NEDD4L: variants seen among roughly 807,000 people sequenced by gnomAD.
The protein encoded by NEDD4L is E3 ubiquitin-protein ligase NEDD4-like.
In NEDD4L, 54 loss-of-function variants were observed where a neutral mutation model predicts 148.9. The observed-to-expected ratio is 0.36, with a 90% CI of 0.29 to 0.45. The LOEUF (loss-of-function observed/expected upper bound fraction) is 0.45. NEDD4L is among the 20% of genes least tolerant of loss of function. NEDD4L has a pLI of 1.00. For synonymous variants in NEDD4L, 433 were observed against 440.7 expected (o/e 0.98, Z 0.22); for missense variants, 856 against 1,233.8 (o/e 0.69, Z 4.59).
chr18:58,072,903 C>CAAAT (rs1555682111), intron 1 of NEDD4L, among the ~76,000 whole-genome samples: 6 of 148,144 alleles, frequency 4.1e-5, no homozygotes, highest in African/African-American at 1.5e-4. Flanking sequence ...CACACACACA[C>CAAAT]ACAAATCTTG....
Position 58,080,448 on chromosome 18 carries a change from G to A in NEDD4L, c.48+35740G>A, listed in dbSNP as rs1312168702. On this transcript the variant is annotated intron_variant, in intron 1 of 30. Coordinates refer to ENST00000400345, the MANE Select transcript of NEDD4L (RefSeq NM_001144967.3). ...GTAAAGTGGGATTATTTCTGTTAGAGATCCTTATTCCCTAGAGACTTTCTG... is the reference window on the plus strand; with the variant it reads ...GTAAAGTGGGATTATTTCTGTTAGAAATCCTTATTCCCTAGAGACTTTCTG... 5.3e-5 allele frequency among the ~76,000 whole-genome samples: 8 copies of A among 152,338 alleles called. No homozygotes were observed. The South Asian group carries it at 6.2e-4, about 12-fold the overall frequency.
chr18:58,361,353 G>A lies in NEDD4L; in HGVS notation c.1768-2915G>A, dbSNP rs541519642. ...TGTAAGTTAGCATGCTCTGTGTATA[G>A]CAGATATCACTAGTAATAGCATTTA... On this transcript the variant is annotated intron_variant, in intron 19 of 30. Transcript: ENST00000400345. 1.7e-4 allele frequency among the ~76,000 whole-genome samples: 26 copies of A among 152,310 alleles called. No individual in the cohort carries two copies. In the South Asian group the frequency reaches 2.5e-3, roughly 15 times the overall value.
At chr18:58,252,372 G>A (rs2048038787) in intron 5 of NEDD4L, among the ~76,000 whole-genome samples, 1 of 152,170 alleles carries the variant, frequency 6.6e-6, no homozygotes, top group South Asian at 2.1e-4. Context: ...TCTCTAAAGA[G>A]GCCATCAGGA....
In NEDD4L at chr18:58,195,288, C is replaced by T. The variant is rs544788201; in HGVS notation, c.122+29427C>T. 14 of 551,810 alleles carry T rather than the reference C, an allele frequency of 2.5e-5. No homozygotes were observed. In the African/African-American group the frequency reaches 2.8e-4, roughly 11 times the overall value. The allele number at this position is 551,810 out of a possible 1,614,324, so 34.2% of individuals were successfully genotyped here. A position where few individuals can be genotyped will look rare whatever the true frequency, so the allele number is the denominator to read the frequency against. ...TAACTTCCCTGGTGTTGTTTTGTTGCAAGGGCAGCATTGTGGGGCTGTGGT... is the reference window on the plus strand; with the variant it reads ...TAACTTCCCTGGTGTTGTTTTGTTGTAAGGGCAGCATTGTGGGGCTGTGGT... On this transcript the variant is annotated intron_variant, in intron 2 of 30. Coordinates refer to ENST00000400345, the MANE Select transcript of NEDD4L (RefSeq NM_001144967.3).
chr18:58,163,063 C>CAAAAAAAAGAAAA (rs1401402467), intron 1 of NEDD4L, among the ~76,000 whole-genome samples: 1 of 102,950 alleles, frequency 9.7e-6, no homozygotes, highest in African/African-American at 4.2e-5. Flanking sequence ...GACTCTGTCT[C>CAAAAAAAAGAAAA]AAAAAAAAGA....
intron 19 of NEDD4L, 145 bp from the exon 20 acceptor site, chr18:58,364,123 A>C (rs2045839405): frequency 1.6e-6 from 1 of 642,238 alleles, no homozygotes; most frequent in East Asian, 2.8e-5. Context: ...TGCTGTGTAG[A>C]CATTATCTAA....
Position 58,256,777 on chromosome 18 carries a change from A to T in NEDD4L, c.297+4723A>T. 8.1e-7 allele frequency: 1 copy of T among 1,231,892 alleles called. No homozygotes were observed. The highest frequency in any genetic ancestry group is 1.0e-6 in the Non-Finnish European group (1 of 987,958). The allele number at this position is 1,231,892 out of a possible 1,614,324, so 76.3% of individuals were successfully genotyped here. ...TTTCCACGGGAGCTGACACCACGGT[A>T]AGTTCACAGCGTGTTTACATGTGTT... On this transcript the variant is annotated intron_variant, in intron 5 of 30. Transcript: ENST00000400345. This position sits in a 1 kb window ranked among gnomAD's most constrained non-coding sequence, Gnocchi z 5.2.
intron 5 of NEDD4L, among the ~76,000 whole-genome samples, chr18:58,304,022 C>A (rs1322070526): frequency 6.6e-6 from 1 of 151,996 alleles, no homozygotes; most frequent in Non-Finnish European, 1.5e-5. Context: ...AGCACTTCTT[C>A]CCCCTGACCC....
rs11433892 is a variant in NEDD4L, at chr18:58,396,713, A to ATTTTTTTTTTT, written c.*448_*458dup. On this transcript the variant is annotated 3_prime_UTR_variant, in exon 31 of 31. Coordinates refer to ENST00000400345, the MANE Select transcript of NEDD4L (RefSeq NM_001144967.3). ...GTCTCATGTACTTGGAAAAGTGAGC[A>ATTTTTTTTTTT]TTTTTTTTTTTTTTGTATTTCACTT... The ATTTTTTTTTTT allele has an allele frequency of 1.4e-5, 2 of 143,714 alleles. No homozygotes were observed. Among genetic ancestry groups the ATTTTTTTTTTT allele is most frequent in the African/African-American group, 2.6e-5 (1 of 39,002 alleles). The allele number at this position is 143,714 out of a possible 1,614,324, so 8.9% of individuals were successfully genotyped here. A position where few individuals can be genotyped will look rare whatever the true frequency, so the allele number is the denominator to read the frequency against.
chr18:58,125,880 A>G (rs1443214194), intron 1 of NEDD4L, among the ~76,000 whole-genome samples: 1 of 152,240 alleles, frequency 6.6e-6, no homozygotes, highest in Non-Finnish European at 1.5e-5. Context: ...TTAGCCAGCC[A>G]CATCTCCAGT....
At chr18:58,260,409 A>G (rs1458013061) in intron 5 of NEDD4L, among the ~76,000 whole-genome samples, 1 of 152,248 alleles carries the variant, frequency 6.6e-6, no homozygotes, top group Non-Finnish European at 1.5e-5. Context: ...ATATGTTTGT[A>G]AACAGAAACT....
chr18:58,334,665 T>G (rs1439593682), intron 12 of NEDD4L, among the ~76,000 whole-genome samples: 1 of 152,250 alleles, frequency 6.6e-6, no homozygotes, highest in Non-Finnish European at 1.5e-5. Flanking sequence ...AGACTAATAA[T>G]GTATTACGTA....
chr18:58,312,888 C>T (rs369021682), intron 5 of NEDD4L, among the ~76,000 whole-genome samples: 20 of 152,306 alleles, frequency 1.3e-4, no homozygotes, highest in East Asian at 1.2e-3. Flanking sequence ...CCATATTGGC[C>T]GGGGTGATCT....
At chr18:58,251,525 G>A (rs1210792174) in intron 4 of NEDD4L, among the ~76,000 whole-genome samples, 2 of 151,660 alleles carry the variant, frequency 1.3e-5, no homozygotes, top group African/African-American at 4.8e-5. Context: ...CTGTCTGTCT[G>A]TCTGTGTGTT....
At chr18:58,168,104 T>G (rs929741565) in intron 2 of NEDD4L, among the ~76,000 whole-genome samples, 2 of 152,216 alleles carry the variant, frequency 1.3e-5, no homozygotes, top group Non-Finnish European at 2.9e-5. Flanking sequence ...TTCGTGATAT[T>G]AATTAGAAAG....
At position 58,357,186 on chromosome 18, in the gene NEDD4L, A is replaced by AATTTTTT; in HGVS notation, c.1709-8_1709-7insATTTTTT. The AATTTTTT allele has an allele frequency of 6.5e-7, 1 of 1,536,514 alleles. No homozygotes were observed. The stretch of plus-strand genomic sequence containing the variant: ...CTGATTTTTTTTTTTTTTTTTTAAC[A>AATTTTTT]TTTTCAGATAGCAAAATTACTCAGT... On this transcript the variant is annotated splice_polypyrimidine_tract_variant and splice_region_variant and intron_variant, in intron 18 of 30. Coordinates refer to ENST00000400345, the MANE Select transcript of NEDD4L (RefSeq NM_001144967.3).
intron 2 of NEDD4L, among the ~76,000 whole-genome samples, chr18:58,168,788 A>G (rs951393043): frequency 1.3e-5 from 2 of 152,210 alleles, no homozygotes; most frequent in African/African-American, 4.8e-5. Flanking sequence ...CAGAGCCTTT[A>G]AAGTGGTAGA....
At chr18:58,183,537 T>C (rs1242018729) in intron 2 of NEDD4L, among the ~76,000 whole-genome samples, 1 of 152,240 alleles carries the variant, frequency 6.6e-6, no homozygotes, top group Non-Finnish European at 1.5e-5. Flanking sequence ...ACTCTTCACC[T>C]GGGCTCTGAG....
At chr18:58,136,149 TA>T (rs1357849250) in intron 1 of NEDD4L, among the ~76,000 whole-genome samples, 1 of 152,166 alleles carries the variant, frequency 6.6e-6, no homozygotes, top group Non-Finnish European at 1.5e-5. Flanking sequence ...CATGTGTTAT[TA>T]TTGTGGATGT....
Sources: allele counts gnomAD v4.1 joint callset (sites outside exome capture counted in the v4.1 genomes callset), GRCh38; gene constraint gnomAD v4.1.1; non-coding constraint Gnocchi (gnomAD v3.1); transcripts MANE v1.5; gene names NCBI Gene and HGNC (gene_info 2026-07-23, HGNC 2026-07-21).